Variants in ENDOV observed in about 807,000 individuals in gnomAD.
The protein encoded by ENDOV is hEndoV.
A neutral mutation model predicts 39.4 loss-of-function variants in ENDOV; 37 were observed. That is an observed-to-expected ratio of 0.94 (90% CI 0.72 to 1.23). The LOEUF (loss-of-function observed/expected upper bound fraction) is 1.23, where lower values mean the gene tolerates loss of function less well. Ranked by LOEUF, ENDOV falls within the 50% of genes most tolerant of loss-of-function variation. The probability of loss-of-function intolerance (pLI) is 0.00; values close to 1 mark genes in which losing one functional copy is unlikely to be tolerated. For missense variants in ENDOV, 441 were observed against 375.7 expected, an observed-to-expected ratio of 1.17 and a Z score of -1.44; for synonymous variants, 186 against 163.4, an observed-to-expected ratio of 1.14 and a Z score of -1.05.
chr17:80,432,113 C>T lies in ENDOV; in HGVS notation c.838+2282C>T, dbSNP rs1331950191. Among the ~76,000 whole-genome samples the T allele has an allele frequency of 4.6e-5, 7 of 152,248 alleles. No homozygotes were observed. In the East Asian group the frequency reaches 1.2e-3, roughly 25 times the overall value. ...CCCTTGGGAGAGTCCAGGGCAGCAC[C>T]TGATAAGCCGAGAGCTGCAGCCGTG... On this transcript the variant is annotated intron_variant, in intron 9 of 9. Coordinates refer to ENST00000518137, the MANE Select transcript of ENDOV (RefSeq NM_173627.5).
intron 3 of ENDOV, 39 bp from the exon 4 acceptor site, chr17:80,422,167 G>A (rs1041838798): frequency 1.2e-6 from 2 of 1,612,962 alleles, no homozygotes; most frequent in Admixed American, 3.3e-5. Context: ...GGGCCGAGGG[G>A]CAGCTCAGCT....
intron 1 of ENDOV, 133 bp from the exon 2 acceptor site, chr17:80,415,517 C>A (rs2080989047): frequency 1.7e-6 from 2 of 1,210,984 alleles, no homozygotes; most frequent in Non-Finnish European, 2.3e-6. Flanking sequence ...GTGGCCTCGG[C>A]GGTATGTCCC....
At chr17:80,421,231 AG>A (rs1407475273) in intron 2 of ENDOV, among the ~76,000 whole-genome samples, 4 of 150,998 alleles carry the variant, frequency 2.6e-5, no homozygotes, top group African/African-American at 9.8e-5. Context: ...TCTACAGTCT[AG>A]GCTTCAGGGG....
At position 80,421,316 on chromosome 17, in the gene ENDOV, C is replaced by T. The variant is rs547889170; in HGVS notation, c.229-512C>T. Among the ~76,000 whole-genome samples, 24 of 140,630 alleles carry T rather than the reference C, an allele frequency of 1.7e-4. No individual in the cohort carries two copies. In the South Asian group the frequency reaches 4.5e-3, roughly 26 times the overall value. The allele number at this position is 140,630 out of a possible 152,430, so 92.3% of individuals were successfully genotyped here. A position where few individuals can be genotyped will look rare whatever the true frequency, so the allele number is the denominator to read the frequency against. On this transcript the variant is annotated intron_variant, in intron 2 of 9. Transcript: ENST00000518137. The stretch of plus-strand genomic sequence containing the variant: ...CGGGGAATCCTCATACAGACCAGAT[C>T]CCGGGGAATCCTCCTATGGACCAGG...
chr17:80,431,932 C>T (rs1383696642), intron 9 of ENDOV, among the ~76,000 whole-genome samples: 7 of 152,150 alleles, frequency 4.6e-5, no homozygotes, highest in Non-Finnish European at 2.9e-5. Flanking sequence ...GTGGAGTTGA[C>T]AGCCGGTGAG....
Position 80,436,285 on chromosome 17 carries a change from G to A in ENDOV, c.*142G>A, listed in dbSNP as rs2083592905. 6.4e-7 allele frequency: 1 copy of A among 1,564,476 alleles called. No homozygotes were observed. Among genetic ancestry groups the A allele is most frequent in the Non-Finnish European group, 8.6e-7 (1 of 1,159,762 alleles). On this transcript the variant is annotated 3_prime_UTR_variant, in exon 10 of 10. Transcript: ENST00000518137. ...CGTTCCTGATCGAACGCGGTGGTGA[G>A]AGCACACGTCCTCGTCTCGTTCCTG...
chr17:80,429,698 C>T, intron 8 of ENDOV, 75 bp from the exon 9 acceptor site: 2 of 1,431,382 alleles, frequency 1.4e-6, no homozygotes, highest in Non-Finnish European at 1.9e-6. Flanking sequence ...AGTTCCCAGA[C>T]CCCATCTGGG....
intron 3 of ENDOV, 111 bp downstream of exon 3, chr17:80,422,073 C>T: frequency 1.9e-6 from 3 of 1,559,362 alleles, no homozygotes; most frequent in Non-Finnish European, 2.6e-6. Flanking sequence ...CATGAGCTTC[C>T]TGGAAGAGAG....
At chr17:80,421,647 C>T (rs1305642507) in intron 2 of ENDOV, among the ~76,000 whole-genome samples, 181 bp from the exon 3 acceptor site, 1 of 152,094 alleles carries the variant, frequency 6.6e-6, no homozygotes, top group Non-Finnish European at 1.5e-5. Flanking sequence ...CACCAATTTG[C>T]AGGGTACATC....
intron 7 of ENDOV, chr17:80,427,532 C>T: frequency 9.5e-7 from 1 of 1,052,830 alleles, no homozygotes; most frequent in Non-Finnish European, 1.2e-6. Flanking sequence ...AAGCCGCAAC[C>T]AGTTGGGATA....
intron 7 of ENDOV, among the ~76,000 whole-genome samples, 188 bp downstream of exon 7, chr17:80,425,808 A>C (rs1466769366): frequency 6.6e-6 from 1 of 152,080 alleles, no homozygotes; most frequent in Non-Finnish European, 1.5e-5. Flanking sequence ...AGGACAGTAG[A>C]CTGGGGGGTG....
At chr17:80,435,771 C>A (rs531321973) in intron 9 of ENDOV, among the ~76,000 whole-genome samples, 1 of 150,502 alleles carries the variant, frequency 6.6e-6, no homozygotes, top group Non-Finnish European at 1.5e-5. Context: ...CCCGCCACCA[C>A]GCCCAGCTAA....
rs932109770 is a variant in ENDOV, at chr17:80,415,352, C to G, written c.56+102C>G. On this transcript the variant is annotated intron_variant, in intron 1 of 9. Transcript: ENST00000518137. Reference sequence around the variant, plus strand: ...CTTCAGGCTGTGGAATCGGAGCTGCCACCGCCCGAGACTCCAAAGCAAAGC... The same window carrying G: ...CTTCAGGCTGTGGAATCGGAGCTGCGACCGCCCGAGACTCCAAAGCAAAGC... 3.6e-6 allele frequency: 5 copies of G among 1,396,272 alleles called. No individual in the cohort carries two copies. The East Asian group carries it at 7.2e-5, about 20-fold the overall frequency. The allele number at this position is 1,396,272 out of a possible 1,614,324, so 86.5% of individuals were successfully genotyped here.
Position 80,417,319 on chromosome 17 carries a change from C to T in ENDOV, c.228+1498C>T, listed in dbSNP as rs532705046. ...TCTGGAAGGGTTTCCATCTGGCTAA[C>T]TACTACTCATCTCTTTGGGCTCAGT... On this transcript the variant is annotated intron_variant, in intron 2 of 9. Transcript: ENST00000518137. 3.3e-5 allele frequency: 5 copies of T among 152,410 alleles called. No homozygotes were observed. The South Asian group carries it at 8.3e-4, about 25-fold the overall frequency. 9.4% of individuals were successfully genotyped at this position (152,410 alleles called of 1,614,324 possible).
intron 7 of ENDOV, among the ~76,000 whole-genome samples, chr17:80,426,423 A>T (rs1008788381): frequency 6.6e-6 from 1 of 152,144 alleles, no homozygotes; most frequent in African/African-American, 2.4e-5. Flanking sequence ...CAGAGGTGGG[A>T]GGATCACTTG....
intron 6 of ENDOV, 79 bp from the exon 7 acceptor site, chr17:80,425,413 A>G: frequency 6.6e-7 from 1 of 1,512,306 alleles, no homozygotes; most frequent in Non-Finnish European, 8.8e-7. Context: ...ATTTTGTCAG[A>G]GCTCCAGCTG....
intron 1 of ENDOV, 43 bp downstream of exon 1, chr17:80,415,293 G>C (rs545715366): frequency 6.2e-7 from 1 of 1,606,024 alleles, no homozygotes; most frequent in Non-Finnish European, 8.5e-7. Context: ...GGCCGAGGCC[G>C]GGCGGCCCTT....
In ENDOV at chr17:80,437,745, C is replaced by T. The variant is rs1308781590; in HGVS notation, c.*1602C>T. Reference sequence around the variant, plus strand: ...GAACACACGGCCCCGCGTCTGTTGCCTGAGTCACTGTATTCCTTAAAAGGT... The same window carrying T: ...GAACACACGGCCCCGCGTCTGTTGCTTGAGTCACTGTATTCCTTAAAAGGT... On this transcript the variant is annotated 3_prime_UTR_variant, in exon 10 of 10. Transcript: ENST00000518137. 1 of 152,202 alleles carries T rather than the reference C, an allele frequency of 6.6e-6. No individual in the cohort carries two copies. The highest frequency in any genetic ancestry group is 1.5e-5 in the Non-Finnish European group (1 of 68,048). 9.4% of individuals were successfully genotyped at this position (152,202 alleles called of 1,614,324 possible). A position where few individuals can be genotyped will look rare whatever the true frequency, so the allele number is the denominator to read the frequency against.
At chr17:80,428,839 T>A (rs1173791379) in intron 8 of ENDOV, among the ~76,000 whole-genome samples, 179 bp downstream of exon 8, 1 of 151,706 alleles carries the variant, frequency 6.6e-6, no homozygotes, top group East Asian at 1.9e-4. Flanking sequence ...TGGAGTGGGG[T>A]AGACTCCTAT....
Sources: allele counts gnomAD v4.1 joint callset (sites outside exome capture counted in the v4.1 genomes callset), GRCh38; gene constraint gnomAD v4.1.1; transcripts MANE v1.5; gene names NCBI Gene and HGNC (gene_info 2026-07-23, HGNC 2026-07-21).